PDE6B: variants seen among roughly 807,000 people sequenced by gnomAD.
The protein encoded by PDE6B is phosphodiesterase 6B.
In PDE6B, 106 loss-of-function variants were observed where a neutral mutation model predicts 109.0. That is an observed-to-expected ratio of 0.97 (90% CI 0.83 to 1.14). The LOEUF is 1.14. Ranked by LOEUF, PDE6B falls within the 50% of genes most tolerant of loss-of-function variation. PDE6B has a pLI of 0.00. For synonymous variants in PDE6B, 490 were observed against 471.3 expected (o/e 1.04, Z -0.51); for missense variants, 1,193 against 1,155.6 (o/e 1.03, Z -0.47).
intron 3 of PDE6B, among the ~76,000 whole-genome samples, chr4:647,104 C>T (rs1035894863): frequency 1.7e-4 from 26 of 151,920 alleles, no homozygotes; most frequent in Admixed American, 1.6e-3. Flanking sequence ...TTGAACTGCC[C>T]GCCTCAGCCT....
intron 3 of PDE6B, among the ~76,000 whole-genome samples, chr4:645,784 TC>T (rs962538898): frequency 2.0e-5 from 3 of 151,982 alleles, no homozygotes; most frequent in Non-Finnish European, 1.5e-5. Flanking sequence ...TACTTGTTTT[TC>T]CAAAAAATTT....
rs1342158190 is a variant in PDE6B at position 654,036 on chromosome 4, A to AG, written c.853-42dup. The AG allele has an allele frequency of 2.5e-6, 4 of 1,613,480 alleles. No individual in the cohort carries two copies. In the African/African-American group the frequency reaches 5.3e-5, roughly 22 times the overall value. ...AGGGACCCCCTGCCTGGCCCGACCC[A>AG]GGTCCCGCAGTGACCGCCCCACCCT... On this transcript the variant is annotated intron_variant, in intron 4 of 21. Coordinates refer to ENST00000496514, the MANE Select transcript of PDE6B (RefSeq NM_000283.4).
At position 630,461 on chromosome 4, in the gene PDE6B, A is replaced by G. The variant is rs563509996; in HGVS notation, c.469-4216A>G. ...AAAGGAGAGCAGGTGTCAGTGAGAGAGTGGCCGGATGTTTCCGCGTGGGAC... is the reference window on the plus strand; with the variant it reads ...AAAGGAGAGCAGGTGTCAGTGAGAGGGTGGCCGGATGTTTCCGCGTGGGAC... On this transcript the variant is annotated intron_variant, in intron 1 of 21. Coordinates refer to ENST00000496514, the MANE Select transcript of PDE6B (RefSeq NM_000283.4). Among the ~76,000 whole-genome samples the G allele has an allele frequency of 7.2e-5, 11 of 152,166 alleles. No individual in the cohort carries two copies. In the South Asian group the frequency reaches 2.3e-3, roughly 32 times the overall value.
chr4:654,813 C>T lies in PDE6B; in HGVS notation c.928-11C>T, dbSNP rs1260413390. 2 of 1,474,580 alleles carry T rather than the reference C, an allele frequency of 1.4e-6. No individual in the cohort carries two copies. Among genetic ancestry groups the T allele is most frequent in the East Asian group, 4.5e-5 (2 of 44,268 alleles). The allele number at this position is 1,474,580 out of a possible 1,614,324, so 91.3% of individuals were successfully genotyped here. A position where few individuals can be genotyped will look rare whatever the true frequency, so the allele number is the denominator to read the frequency against. On this transcript the variant is annotated splice_polypyrimidine_tract_variant and intron_variant, in intron 5 of 21. Coordinates refer to ENST00000496514, the MANE Select transcript of PDE6B (RefSeq NM_000283.4). ...CAGGCAGCCCCCCGACCAGTGTCTT[C>T]TGCTTCTCAGGAAATTGTCTTCTAC... is the stretch of plus-strand genomic sequence containing the variant.
intron 21 of PDE6B, 116 bp downstream of exon 21, chr4:668,122 C>G: frequency 9.5e-7 from 1 of 1,055,434 alleles, no homozygotes; most frequent in Non-Finnish European, 1.4e-6. Flanking sequence ...TTTCAAGAAG[C>G]CTCGAGGTGG....
Position 670,158 on chromosome 4 carries a change from A to G in PDE6B, c.*51A>G. ...GCTCCCTCAATCTTCACCCACTAGG[A>G]TTTGGGTTCTGCCTGTGGCTATTTG... is the stretch of plus-strand genomic sequence containing the variant. On this transcript the variant is annotated 3_prime_UTR_variant, in exon 22 of 22. Transcript: ENST00000496514. 1 of 1,607,464 alleles carries G rather than the reference A, an allele frequency of 6.2e-7. No homozygotes were observed. The highest frequency in any genetic ancestry group is 8.5e-7 in the Non-Finnish European group (1 of 1,175,736).
At position 662,590 on chromosome 4, in the gene PDE6B, C is replaced by A. The variant is rs754298498; in HGVS notation, c.1804C>A (p.Arg602Ser). 1.2e-6 allele frequency: 2 copies of A among 1,611,602 alleles called. No individual in the cohort carries two copies. Among genetic ancestry groups the A allele is most frequent in the Non-Finnish European group, 1.7e-6 (2 of 1,178,490 alleles). The change falls in exon 14 of 22, where the codon CGC (arginine) becomes AGC (serine). Residue 602 changes from arginine to serine, a missense_variant. Arg to Ser is a moderately radical substitution (Grantham distance 110). Coordinates refer to ENST00000496514, the MANE Select transcript of PDE6B (RefSeq NM_000283.4). The surrounding 1 kb of genome is among the most constrained non-coding windows in gnomAD (Gnocchi z 4.3). ...CGGCCTGTGCCATGACATCGACCAC[C>A]GCGGCACCAACAACCTGTACCAGAT... is the stretch of plus-strand genomic sequence containing the variant. ...TAGLCHDIDHRGTNNLYQMKS... is the reference protein window; with the variant it reads ...TAGLCHDIDHSGTNNLYQMKS...
intron 1 of PDE6B, among the ~76,000 whole-genome samples, chr4:627,343 G>A (rs1734162580): frequency 2.0e-5 from 3 of 152,016 alleles, no homozygotes; most frequent in Admixed American, 1.3e-4. Flanking sequence ...ACAGAGTTTC[G>A]TCATGTTGGT....
chr4:651,016 C>T (rs2109174710), intron 3 of PDE6B, among the ~76,000 whole-genome samples: 1 of 151,958 alleles, frequency 6.6e-6, no homozygotes, highest in Non-Finnish European at 1.5e-5. Flanking sequence ...ACTGAGGTGC[C>T]GATGTCAACG....
chr4:660,449 C>G lies in PDE6B; in HGVS notation c.1468-18C>G, dbSNP rs185263445. On this transcript the variant is annotated intron_variant, in intron 11 of 21. Coordinates refer to ENST00000496514, the MANE Select transcript of PDE6B (RefSeq NM_000283.4). ...CTGTGGCAGGCCAACCTCCCTCAGC[C>G]CACAATCCCTCCCACAGAAGGAGGA... The G allele has an allele frequency of 1.5e-4, 243 of 1,613,372 alleles. No homozygotes were observed. Among genetic ancestry groups the G allele is most frequent in the Non-Finnish European group, 1.4e-4 (169 of 1,179,736 alleles).
rs757656130 is a variant in PDE6B, at chr4:666,549, A to G, written c.2287A>G (p.Lys763Glu). 1.4e-5 allele frequency: 22 copies of G among 1,612,724 alleles called. No individual in the cohort carries two copies. The highest frequency in any genetic ancestry group is 3.3e-4 in the Middle Eastern group (2 of 6,056). The part of the protein sequence containing the change: ...QQPIPMMDRN[K>E]AAELPKLQVG... ...CCACCAGCCTATGATGGACCGGAAC[A>G]AGGCGGCCGAGCTCCCCAAGCTGCA... is the stretch of plus-strand genomic sequence containing the variant. The change falls in exon 20 of 22, where the codon AAG becomes GAG. Residue 763 changes from lysine to glutamate, a missense_variant. Coordinates refer to ENST00000496514, the MANE Select transcript of PDE6B (RefSeq NM_000283.4). The surrounding 1 kb of genome is among the most constrained non-coding windows in gnomAD (Gnocchi z 5.6).
chr4:654,478 TGTGA>T, intron 5 of PDE6B: 6 of 589,156 alleles, frequency 1.0e-5, no homozygotes, highest in Non-Finnish European at 1.8e-5. Context: ...TGTGTGTGTG[TGTGA>T]GAGTACGGGC....
chr4:668,032 C>T (rs1161835810), intron 21 of PDE6B, 26 bp downstream of exon 21: 2 of 1,604,104 alleles, frequency 1.2e-6, no homozygotes, highest in East Asian at 2.2e-5. Flanking sequence ...GCCTGTGGGG[C>T]AGGGACTCGG....
At chr4:634,154 C>G (rs2109131798) in intron 1 of PDE6B, among the ~76,000 whole-genome samples, 1 of 152,254 alleles carries the variant, frequency 6.6e-6, no homozygotes, top group South Asian at 2.1e-4. Context: ...CCACCCCGGC[C>G]TGCCAGCTGC....
At chr4:669,896 CAG>C in intron 21 of PDE6B, 148 bp from the exon 22 acceptor site, 1 of 730,346 alleles carries the variant, frequency 1.4e-6, no homozygotes, top group Non-Finnish European at 2.5e-6. Context: ...AAGAAAGGCT[CAG>C]CCCAGCTAAT....
intron 3 of PDE6B, among the ~76,000 whole-genome samples, chr4:639,742 G>A (rs1350517770): frequency 6.6e-6 from 1 of 152,058 alleles, no homozygotes; most frequent in South Asian, 2.1e-4. Flanking sequence ...AGGCCGAGGC[G>A]GGCAGATCAC....
Position 657,031 on chromosome 4 carries a change from C to T in PDE6B, c.1257+8C>T, listed in dbSNP as rs754966450. On this transcript the variant is annotated splice_region_variant and intron_variant, in intron 9 of 21. Transcript: ENST00000496514. ...GACGAGGTTCTCATGGAGGTAAGCA[C>T]CTGGGCAGACGTGGTTCCGCCGGGG... The T allele has an allele frequency of 7.4e-6, 12 of 1,612,590 alleles. No individual in the cohort carries two copies. The highest frequency in any genetic ancestry group is 9.3e-6 in the Non-Finnish European group (11 of 1,179,738).
Position 653,844 on chromosome 4 carries a change from C to T in PDE6B, c.712-8C>T, listed in dbSNP as rs754531017. On this transcript the variant is annotated splice_region_variant and splice_polypyrimidine_tract_variant and intron_variant, in intron 3 of 21. Transcript: ENST00000496514. The stretch of plus-strand genomic sequence containing the variant: ...GCCACAGGCCCACAGGTGTGCCCCT[C>T]CCTCCAGGTGCTGCTGTGGTCGGCC... The T allele has an allele frequency of 6.2e-7, 1 of 1,613,456 alleles. No individual in the cohort carries two copies. Among genetic ancestry groups the T allele is most frequent in the Non-Finnish European group, 8.5e-7 (1 of 1,179,962 alleles).
chr4:644,678 C>T (rs112815488), intron 3 of PDE6B, among the ~76,000 whole-genome samples: 1,663 of 152,024 alleles, frequency 0.011, 82 homozygotes, highest in African/African-American at 0.039. Flanking sequence ...TACAGGCACA[C>T]GCCACCACGC....
Sources: allele counts gnomAD v4.1 joint callset (sites outside exome capture counted in the v4.1 genomes callset), GRCh38; gene constraint gnomAD v4.1.1; non-coding constraint Gnocchi (gnomAD v3.1); transcripts MANE v1.5; gene names NCBI Gene and HGNC (gene_info 2026-07-23, HGNC 2026-07-21).